The following GSG1 variants were observed in gnomAD, a reference collection of about 807,000 sequenced individuals.
The protein encoded by GSG1 is germ cell associated 1, also known as germ cell-specific gene 1 protein.
GSG1 carries 28 observed loss-of-function variants against 30.8 expected under a neutral mutation model. That is an observed-to-expected ratio of 0.91 (90% confidence interval 0.67 to 1.25). The LOEUF (loss-of-function observed/expected upper bound fraction) is 1.25, where lower values mean the gene tolerates loss of function less well. Ranked by LOEUF, GSG1 falls within the 50% of genes most tolerant of loss-of-function variation. GSG1 has a pLI of 0.00. For missense variants in GSG1, 435 were observed against 444.7 expected (o/e 0.98, Z 0.20); for synonymous variants, 162 against 178.0 (o/e 0.91, Z 0.71).
rs750700209 is a variant in GSG1, at chr12:13,087,887, T to C, written c.634+20A>G. 3.7e-6 allele frequency: 6 copies of C among 1,611,072 alleles called. No individual in the cohort carries two copies. The African/African-American group carries it at 8.0e-5, about 22-fold the overall frequency. On this transcript the variant is annotated intron_variant, in intron 5 of 6. Coordinates refer to ENST00000651961, the MANE Select transcript of GSG1 (RefSeq NM_001080555.4). ...AGTGGCCAGGGCCAACCACCCTCTC[T>C]CACTCCAGGAGCAACTCACCTGACA...
chr12:13,095,308 C>A (rs931245791), intron 1 of GSG1, among the ~76,000 whole-genome samples: 1 of 152,164 alleles, frequency 6.6e-6, no homozygotes, highest in East Asian at 1.9e-4. Context: ...GCCATAAGAA[C>A]AACTCTATCT....
intron 6 of GSG1, 27 bp from the exon 7 acceptor site, chr12:13,085,270 G>C (rs750089786): frequency 1.3e-6 from 2 of 1,567,154 alleles, no homozygotes; most frequent in Non-Finnish European, 1.7e-6. Context: ...AAAAAGATTG[G>C]ACAGTAAGAA....
At chr12:13,103,155 C>T (rs1005559963) in intron 1 of GSG1, among the ~76,000 whole-genome samples, 1 of 152,122 alleles carries the variant, frequency 6.6e-6, no homozygotes, top group African/African-American at 2.4e-5. Context: ...AAAGGAGAGG[C>T]ATAGGGAGCC....
chr12:13,101,568 C>T lies in GSG1; in HGVS notation c.48+1897G>A, dbSNP rs1419303510. Among the ~76,000 whole-genome samples the T allele has an allele frequency of 6.6e-6, 1 of 152,218 alleles. No individual in the cohort carries two copies. Among genetic ancestry groups the T allele is most frequent in the Non-Finnish European group, 1.5e-5 (1 of 68,026 alleles). ...GGGCCACATGTGTCCCGGAGCTGGG[C>T]CGGGGCGCTAGGCCACCTGAGGCGC... On this transcript the variant is annotated intron_variant, in intron 1 of 6. Transcript: ENST00000651961. The surrounding 1 kb of genome is among the most constrained non-coding windows in gnomAD (Gnocchi z 5.8).
intron 1 of GSG1, among the ~76,000 whole-genome samples, chr12:13,099,676 C>T (rs940909451): frequency 2.6e-5 from 4 of 151,126 alleles, no homozygotes; most frequent in African/African-American, 7.3e-5. Context: ...AATGCTGAGC[C>T]GGAGAGCAGG....
At chr12:13,098,715 T>A (rs1862932253) in intron 1 of GSG1, among the ~76,000 whole-genome samples, 1 of 152,132 alleles carries the variant, frequency 6.6e-6, no homozygotes, top group African/African-American at 2.4e-5. Context: ...ACACTTCTCA[T>A]AGCCCGCTTG....
rs1863208268 is a variant in GSG1 at position 13,101,582 on chromosome 12, C to A, written c.48+1883G>T. 6.6e-6 allele frequency among the ~76,000 whole-genome samples: 1 copy of A among 152,216 alleles called. No individual in the cohort carries two copies. Among genetic ancestry groups the A allele is most frequent in the African/African-American group, 2.4e-5 (1 of 41,460 alleles). Reference sequence around the variant, plus strand: ...CCGGAGCTGGGCCGGGGCGCTAGGCCACCTGAGGCGCGTCCCCTCTGCCGC... The same window carrying A: ...CCGGAGCTGGGCCGGGGCGCTAGGCAACCTGAGGCGCGTCCCCTCTGCCGC... On this transcript the variant is annotated intron_variant, in intron 1 of 6. Transcript: ENST00000651961. This position sits in a 1 kb window ranked among gnomAD's most constrained non-coding sequence, Gnocchi z 5.8.
chr12:13,100,142 T>G (rs1012706317), intron 1 of GSG1, among the ~76,000 whole-genome samples: 1 of 151,890 alleles, frequency 6.6e-6, no homozygotes, highest in Non-Finnish European at 1.5e-5. Flanking sequence ...TATGAATGAA[T>G]GAATGAATGA....
At chr12:13,094,897 G>A (rs928636044) in intron 1 of GSG1, among the ~76,000 whole-genome samples, 4 of 151,796 alleles carry the variant, frequency 2.6e-5, no homozygotes, top group East Asian at 3.9e-4. Flanking sequence ...AGTTATTCTC[G>A]GGGTTATTCA....
Position 13,090,512 on chromosome 12 carries a change from C to T in GSG1, c.355G>A (p.Glu119Lys). The T allele has an allele frequency of 6.2e-7, 1 of 1,608,446 alleles. No individual in the cohort carries two copies. Among genetic ancestry groups the T allele is most frequent in the Non-Finnish European group, 8.5e-7 (1 of 1,175,666 alleles). Reference protein sequence around the residue: ...GMWLSCEETVEEPALLHPQSW... With the variant: ...GMWLSCEETVKEPALLHPQSW... Reference sequence around the variant, plus strand: ...CCAGAATGTAGGCTACCTGGTTCTTCCACAGTTTCCTCACAGGATAGCCAC... The same window carrying T: ...CCAGAATGTAGGCTACCTGGTTCTTTCACAGTTTCCTCACAGGATAGCCAC... Residue 119 changes from glutamate to lysine, a missense_variant, in exon 2 of 7, where the codon GAA (glutamate) becomes AAA (lysine). Glu to Lys is a moderately conservative substitution (Grantham distance 56). Coordinates refer to ENST00000651961, the MANE Select transcript of GSG1 (RefSeq NM_001080555.4).
At chr12:13,099,752 T>TTTG (rs1565551084) in intron 1 of GSG1, among the ~76,000 whole-genome samples, 3 of 105,978 alleles carry the variant, frequency 2.8e-5, no homozygotes, top group Non-Finnish European at 3.4e-5. Flanking sequence ...TTTTTTTTGT[T>TTTG]TTTTTTTTTT....
At position 13,084,790 on chromosome 12, in the gene GSG1, C is replaced by T. The variant is rs748866586; in HGVS notation, c.*111G>A. ...GATAACCCTTATTCATAGCCTTATT[C>T]GTAGCCTCTAAAAACCATGCTCAAG... On this transcript the variant is annotated 3_prime_UTR_variant, in exon 7 of 7. Transcript: ENST00000651961. The T allele has an allele frequency of 3.1e-5, 22 of 698,996 alleles. No homozygotes were observed. The highest frequency in any genetic ancestry group is 5.4e-5 in the African/African-American group (3 of 55,562). The allele number at this position is 698,996 out of a possible 1,614,324, so 43.3% of individuals were successfully genotyped here.
rs1017907584 is a variant in GSG1, at chr12:13,101,149, G to A, written c.48+2316C>T. ...CGCGGGTGACGGCGCCAGCAGGCCGGCTGGGGCCGGGGGCGCTTGGGGACC... is the reference window on the plus strand; with the variant it reads ...CGCGGGTGACGGCGCCAGCAGGCCGACTGGGGCCGGGGGCGCTTGGGGACC... On this transcript the variant is annotated intron_variant, in intron 1 of 6. Transcript: ENST00000651961. The surrounding 1 kb of genome is among the most constrained non-coding windows in gnomAD (Gnocchi z 5.8). 3.3e-5 allele frequency among the ~76,000 whole-genome samples: 5 copies of A among 152,130 alleles called. No homozygotes were observed. Among genetic ancestry groups the A allele is most frequent in the Non-Finnish European group, 7.4e-5 (5 of 67,998 alleles).
In GSG1 at chr12:13,085,256, GCA is replaced by G; in HGVS notation, c.747-15_747-14del. 1 of 1,580,806 alleles carries G rather than the reference GCA, an allele frequency of 6.3e-7. No individual in the cohort carries two copies. Among genetic ancestry groups the G allele is most frequent in the East Asian group, 2.2e-5 (1 of 44,520 alleles). On this transcript the variant is annotated splice_polypyrimidine_tract_variant and intron_variant, in intron 6 of 6. Transcript: ENST00000651961. Reference sequence around the variant, plus strand: ...GAGCCAGGCCATGCTAGGGACAAATGCACAAAAAGATTGGACAGTAAGAATAG... The same window carrying G: ...GAGCCAGGCCATGCTAGGGACAAATGCAAAAAGATTGGACAGTAAGAATAG...
intron 6 of GSG1, among the ~76,000 whole-genome samples, chr12:13,086,304 G>A (rs1865515382): frequency 6.6e-6 from 1 of 152,234 alleles, no homozygotes; most frequent in East Asian, 1.9e-4. Context: ...CCTGGCTGGT[G>A]TAGTAGACTC....
At chr12:13,099,061 T>G (rs1439096836) in intron 1 of GSG1, among the ~76,000 whole-genome samples, 1 of 152,200 alleles carries the variant, frequency 6.6e-6, no homozygotes, top group Non-Finnish European at 1.5e-5. Context: ...TAGGAGGCTG[T>G]GCATTTTGTG....
rs574537255 is a variant in GSG1 at position 13,085,186 on chromosome 12, C to T, written c.804G>A (p.Thr268=). ...TGAACTCCAGCACCATCCTGGTGTACGTGTTGAAGGTGGTGACAGCCGACG... is the reference window on the plus strand; with the variant it reads ...TGAACTCCAGCACCATCCTGGTGTATGTGTTGAAGGTGGTGACAGCCGACG... The part of the protein sequence containing the change: ...CMASAVTTFN[T]YTRMVLEFKC... The change falls in exon 7 of 7, where the codon ACG becomes ACA. Residue 268 remains threonine, a synonymous_variant. Transcript: ENST00000651961. The T allele has an allele frequency of 2.5e-5, 40 of 1,613,654 alleles. No homozygotes were observed. The Admixed American group carries it at 3.3e-4, about 13-fold the overall frequency.
chr12:13,090,738 T>G lies in GSG1; in HGVS notation c.129A>C (p.Thr43=). 1 of 1,614,222 alleles carries G rather than the reference T, an allele frequency of 6.2e-7. No individual in the cohort carries two copies. Among genetic ancestry groups the G allele is most frequent in the Non-Finnish European group, 8.5e-7 (1 of 1,180,040 alleles). The change falls in exon 2 of 7, where the codon ACA becomes ACC. Residue 43 remains threonine, a synonymous_variant. Transcript: ENST00000651961. ...ACCAGTAGTTGCTGAGCAGGGATGT[T>G]GTGGAGAAGCTGAGTGATAGCATGC... ...ILSMLSLSFS[T]TSLLSNYWFV... is the part of the protein sequence containing the mutation.
intron 3 of GSG1, 79 bp from the exon 4 acceptor site, chr12:13,088,988 G>A (rs1865827673): frequency 1.3e-6 from 2 of 1,533,198 alleles, no homozygotes; most frequent in Non-Finnish European, 1.8e-6. Flanking sequence ...CCCATAACTG[G>A]TACTGCTCCC....
Sources: allele counts gnomAD v4.1 joint callset (sites outside exome capture counted in the v4.1 genomes callset), GRCh38; gene constraint gnomAD v4.1.1; non-coding constraint Gnocchi (gnomAD v3.1); transcripts MANE v1.5; gene names NCBI Gene and HGNC (gene_info 2026-07-23, HGNC 2026-07-21).